The following PPP2R2B variants were observed in gnomAD, a reference collection of about 807,000 sequenced individuals.
PPP2R2B encodes the protein protein phosphatase 2 regulatory subunit Bbeta, also known as serine/threonine-protein phosphatase 2A 55 kDa regulatory subunit B beta isoform.
In PPP2R2B, 5 loss-of-function variants were observed where a neutral mutation model predicts 46.0. That is an observed-to-expected ratio of 0.11 (90% confidence interval 0.06 to 0.23). The LOEUF is 0.23. Ranked by LOEUF, PPP2R2B falls within the 10% of genes least tolerant of loss-of-function variation. PPP2R2B has a pLI of 1.00. For synonymous variants in PPP2R2B, 215 were observed against 206.7 expected (o/e 1.04, Z -0.34); for missense variants, 367 against 575.0 (o/e 0.64, Z 3.70).
chr5:146,856,747 CA>C (rs563340654), intron 2 of PPP2R2B, among the ~76,000 whole-genome samples: 1,824 of 152,260 alleles, frequency 0.012, 21 homozygotes, highest in Non-Finnish European at 0.02. Flanking sequence ...GTAACACAAT[CA>C]ACACTGTAAA....
At chr5:147,081,186 G>A in intron 1 of PPP2R2B, 1 of 1,535,160 alleles carries the variant, frequency 6.5e-7, no homozygotes, top group Non-Finnish European at 8.7e-7. Flanking sequence ...GCTCCCAGTT[G>A]TTCTTAAGAG....
intron 2 of PPP2R2B, among the ~76,000 whole-genome samples, chr5:146,807,667 C>T (rs751380928): frequency 4.8e-4 from 73 of 150,858 alleles, no homozygotes; most frequent in Non-Finnish European, 9.3e-4. Context: ...CAAGCCAGAA[C>T]GTGACAGAGC....
intron 1 of PPP2R2B, among the ~76,000 whole-genome samples, chr5:146,893,008 T>C (rs1762536757): frequency 6.6e-6 from 1 of 152,242 alleles, no homozygotes; most frequent in African/African-American, 2.4e-5. Flanking sequence ...TCACAAACCC[T>C]ATGCGCAGAA....
At chr5:146,936,500 G>A (rs1582459131) in intron 1 of PPP2R2B, among the ~76,000 whole-genome samples, 1 of 137,968 alleles carries the variant, frequency 7.2e-6, no homozygotes, top group East Asian at 2.3e-4. Context: ...AGACAGTTAT[G>A]AAGGATGGTT....
intron 2 of PPP2R2B, among the ~76,000 whole-genome samples, chr5:146,861,054 C>T (rs319236): frequency 0.38 from 38,101 of 101,298 alleles, 5,815 homozygotes; most frequent in East Asian, 0.53. Flanking sequence ...TGAATTTTTT[C>T]TTTTTTTTTT....
chr5:146,877,884 G>C, intron 2 of PPP2R2B, 118 bp downstream of exon 2: 1 of 1,233,466 alleles, frequency 8.1e-7, no homozygotes, highest in Non-Finnish European at 1.1e-6. Flanking sequence ...CCGAGCCCCC[G>C]CCCCAGCCCT....
chr5:146,906,357 T>C (rs1410861438), intron 1 of PPP2R2B, among the ~76,000 whole-genome samples: 4 of 151,842 alleles, frequency 2.6e-5, no homozygotes, highest in Non-Finnish European at 5.9e-5. Flanking sequence ...AGTTTCACTC[T>C]TGTTGCCCAG....
intron 2 of PPP2R2B, among the ~76,000 whole-genome samples, chr5:146,831,498 C>CAAA (rs34975709): frequency 2.2e-4 from 12 of 54,930 alleles, no homozygotes; most frequent in African/African-American, 5.6e-4. Context: ...CTCCATCTCT[C>CAAA]AAAAAAAAAA....
At chr5:146,958,968 G>C (rs1752049846) in intron 1 of PPP2R2B, among the ~76,000 whole-genome samples, 1 of 152,128 alleles carries the variant, frequency 6.6e-6, no homozygotes, top group Non-Finnish European at 1.5e-5. Flanking sequence ...TTGGAGGTGG[G>C]ATTCAAACAA....
chr5:146,753,899 C>T (rs1753697319), intron 2 of PPP2R2B, among the ~76,000 whole-genome samples: 1 of 152,146 alleles, frequency 6.6e-6, no homozygotes, highest in Non-Finnish European at 1.5e-5. Context: ...CCTCCAAGTC[C>T]TTTGTAAACA....
Position 146,590,041 on chromosome 5 carries a change from T to C in PPP2R2B, c.1238A>G (p.Lys413Arg). 3 of 1,614,214 alleles carry C rather than the reference T, an allele frequency of 1.9e-6. No individual in the cohort carries two copies. Among genetic ancestry groups the C allele is most frequent in the Non-Finnish European group, 2.5e-6 (3 of 1,180,052 alleles). Residue 413 changes from lysine (K) to arginine (R), a missense_variant, in exon 10 of 10, where the codon AAA becomes AGA. Physicochemically the swap from Lys to Arg is conservative, Grantham distance 26. This residue lies in a region of PPP2R2B where 361 missense variants were observed against 545.5 expected (regional missense o/e 0.66). Coordinates refer to ENST00000394411, the MANE Select transcript of PPP2R2B (RefSeq NM_181675.4). ...ATGCCAAGCTGTATGCAAGATCTTT[T>C]TGCTAAAGTCCAGACTGTCGACACT... ...EISVDSLDFS[K>R]KILHTAWHPS...
chr5:146,974,391 T>C (rs945107207), intron 1 of PPP2R2B, among the ~76,000 whole-genome samples: 3 of 152,104 alleles, frequency 2.0e-5, no homozygotes, highest in African/African-American at 7.2e-5. Flanking sequence ...GGAGTATGAG[T>C]AACCAGTTGA....
chr5:146,708,085 G>A (rs1779979948), intron 2 of PPP2R2B, among the ~76,000 whole-genome samples: 1 of 152,166 alleles, frequency 6.6e-6, no homozygotes, highest in South Asian at 2.1e-4. Context: ...GCTGGGCACG[G>A]TGGCTCACGC....
chr5:146,833,540 G>C (rs1479064660), intron 2 of PPP2R2B, among the ~76,000 whole-genome samples: 3 of 152,142 alleles, frequency 2.0e-5, no homozygotes, highest in African/African-American at 7.2e-5. Context: ...ATGTGACAAG[G>C]CAGTGTCTAA....
intron 5 of PPP2R2B, among the ~76,000 whole-genome samples, chr5:146,667,574 T>TAA (rs143848056): frequency 5.4e-5 from 8 of 147,524 alleles, no homozygotes; most frequent in Middle Eastern, 3.2e-3. Flanking sequence ...TAAACTTACT[T>TAA]AAAAAAAAAA....
At chr5:146,625,991 C>A (rs977949695) in intron 7 of PPP2R2B, among the ~76,000 whole-genome samples, 3 of 152,210 alleles carry the variant, frequency 2.0e-5, no homozygotes, top group Non-Finnish European at 4.4e-5. Context: ...CCTCTGAAAG[C>A]TGAAGAAATT....
At chr5:146,933,583 G>A (rs1764037226) in intron 1 of PPP2R2B, among the ~76,000 whole-genome samples, 2 of 151,970 alleles carry the variant, frequency 1.3e-5, no homozygotes, top group African/African-American at 4.8e-5. Context: ...TCTACTTCAG[G>A]GAGATTACCA....
intron 2 of PPP2R2B, among the ~76,000 whole-genome samples, chr5:146,762,673 A>T (rs750453557): frequency 3.3e-5 from 5 of 152,248 alleles, no homozygotes; most frequent in Non-Finnish European, 4.4e-5. Context: ...GTCTGTGCTT[A>T]ACAGTTGTGA....
intron 1 of PPP2R2B, among the ~76,000 whole-genome samples, chr5:147,004,406 T>C (rs111413844): frequency 6.6e-6 from 1 of 152,152 alleles, no homozygotes; most frequent in African/African-American, 2.4e-5. Flanking sequence ...CATTTAACCA[T>C]TGAGGACCAG....
Sources: allele counts gnomAD v4.1 joint callset (sites outside exome capture counted in the v4.1 genomes callset), GRCh38; gene constraint gnomAD v4.1.1; regional missense constraint gnomAD v4.1.1; transcripts MANE v1.5; gene names NCBI Gene and HGNC (gene_info 2026-07-23, HGNC 2026-07-21).